The following STXBP5L variants were observed in gnomAD, a reference collection of about 807,000 sequenced individuals.
STXBP5L encodes the protein syntaxin-binding protein 5-like.
A neutral mutation model predicts 144.5 loss-of-function variants in STXBP5L; 65 were observed. The observed-to-expected ratio is 0.45, with a 90% CI of 0.37 to 0.55. The LOEUF (loss-of-function observed/expected upper bound fraction) is 0.55, where lower values mean the gene tolerates loss of function less well. STXBP5L is among the 20% of genes least tolerant of loss of function. The pLI is 0.00. For synonymous variants in STXBP5L, 505 were observed against 469.6 expected, an observed-to-expected ratio of 1.08 and a Z score of -0.97; for missense variants, 1,298 against 1,405.5, an observed-to-expected ratio of 0.92 and a Z score of 1.22.
At chr3:120,939,382 G>A (rs1455900783) in intron 2 of STXBP5L, among the ~76,000 whole-genome samples, 7 of 152,032 alleles carry the variant, frequency 4.6e-5, no homozygotes, top group Non-Finnish European at 8.8e-5. Flanking sequence ...TTTGGTAGGG[G>A]ACAAAAATAC....
intron 3 of STXBP5L, among the ~76,000 whole-genome samples, chr3:120,978,418 G>C (rs143175993): frequency 6.6e-6 from 1 of 152,198 alleles, no homozygotes; most frequent in East Asian, 1.9e-4. Flanking sequence ...GCACTTCTCT[G>C]TATTGGTTAT....
chr3:121,413,468 G>GC lies in STXBP5L; in HGVS notation c.3114+147dup, dbSNP rs2047165870. The stretch of plus-strand genomic sequence containing the variant: ...TTTGAATATATATTCTTCATTTTGA[G>GC]CCTACCAACTTCTAGTATGGTTCTA... On this transcript the variant is annotated intron_variant, in intron 24 of 26. Transcript: ENST00000471454. 5 of 679,200 alleles carry GC rather than the reference G, an allele frequency of 7.4e-6. No individual in the cohort carries two copies. In the South Asian group the frequency reaches 1.9e-4, roughly 26 times the overall value. The allele number at this position is 679,200 out of a possible 1,614,324, so 42.1% of individuals were successfully genotyped here. A position where few individuals can be genotyped will look rare whatever the true frequency, so the allele number is the denominator to read the frequency against.
intron 5 of STXBP5L, 83 bp downstream of exon 5, chr3:121,045,618 T>G: frequency 8.4e-7 from 1 of 1,193,380 alleles, no homozygotes; most frequent in Middle Eastern, 2.0e-4. Flanking sequence ...GACAGGCTTT[T>G]TTCCTCATAA....
chr3:121,191,987 C>T (rs1045442634), intron 9 of STXBP5L, among the ~76,000 whole-genome samples: 5 of 152,054 alleles, frequency 3.3e-5, no homozygotes, highest in Admixed American at 2.6e-4. Flanking sequence ...GGGAGATATA[C>T]CTAATGTAAA....
intron 5 of STXBP5L, among the ~76,000 whole-genome samples, chr3:121,059,269 G>T (rs1006759320): frequency 1.3e-5 from 2 of 152,134 alleles, no homozygotes; most frequent in African/African-American, 4.8e-5. Context: ...GTTTGTCAAA[G>T]ATCAGATGGT....
Position 121,413,238 on chromosome 3 carries a change from C to T in STXBP5L, c.3029C>T (p.Thr1010Ile). 1 of 1,610,426 alleles carries T rather than the reference C, an allele frequency of 6.2e-7. No individual in the cohort carries two copies. Among genetic ancestry groups the T allele is most frequent in the Non-Finnish European group, 8.5e-7 (1 of 1,178,906 alleles). ...AGGATAGCACGAACATTTTGTTTTACCAATGAAGGACAGGCATTATACCTC... is the reference window on the plus strand; with the variant it reads ...AGGATAGCACGAACATTTTGTTTTATCAATGAAGGACAGGCATTATACCTC... ...DMRIARTFCFTNEGQALYLVS... is the reference protein window; with the variant it reads ...DMRIARTFCFINEGQALYLVS... Residue 1010 changes from threonine (T) to isoleucine (I), a missense_variant, in exon 24 of 27, where the codon ACC becomes ATC. Physicochemically the swap from Thr to Ile is moderately conservative, Grantham distance 89 (BLOSUM62 -1). Transcript: ENST00000471454.
At chr3:121,044,272 C>G (rs778566302) in intron 4 of STXBP5L, among the ~76,000 whole-genome samples, 5 of 152,058 alleles carry the variant, frequency 3.3e-5, no homozygotes, top group African/African-American at 4.8e-5. Context: ...CCATTCCTCT[C>G]TGAGACTAAA....
chr3:121,286,204 T>C (rs1390526564), intron 19 of STXBP5L, among the ~76,000 whole-genome samples: 1 of 151,994 alleles, frequency 6.6e-6, no homozygotes, highest in Non-Finnish European at 1.5e-5. Flanking sequence ...AGGGTAGGGG[T>C]ATGATAACAG....
At chr3:120,999,750 T>C (rs540188434) in intron 3 of STXBP5L, among the ~76,000 whole-genome samples, 9 of 152,328 alleles carry the variant, frequency 5.9e-5, no homozygotes, top group Middle Eastern at 6.8e-3. Context: ...CTTAAAGAGC[T>C]CTTGTAAGGC....
intron 9 of STXBP5L, among the ~76,000 whole-genome samples, chr3:121,183,270 A>G (rs1398271322): frequency 2.0e-5 from 3 of 152,216 alleles, no homozygotes; most frequent in East Asian, 1.9e-4. Context: ...TCTAGTCAGC[A>G]TAATACCGGA....
intron 19 of STXBP5L, among the ~76,000 whole-genome samples, chr3:121,316,477 A>G (rs1285320028): frequency 6.6e-6 from 1 of 152,190 alleles, no homozygotes; most frequent in Non-Finnish European, 1.5e-5. Flanking sequence ...TCTTATAGTG[A>G]CCAAATCCCA....
chr3:121,190,440 C>G (rs1214212755), intron 9 of STXBP5L, among the ~76,000 whole-genome samples: 2 of 152,234 alleles, frequency 1.3e-5, no homozygotes, highest in Non-Finnish European at 2.9e-5. Flanking sequence ...AATGGAGTCT[C>G]CTATGTCTAC....
At chr3:120,992,959 A>T (rs549555046) in intron 3 of STXBP5L, among the ~76,000 whole-genome samples, 2 of 152,184 alleles carry the variant, frequency 1.3e-5, no homozygotes, top group East Asian at 3.9e-4. Flanking sequence ...CCTTGCCAGT[A>T]TCTGCTATTT....
intron 20 of STXBP5L, among the ~76,000 whole-genome samples, chr3:121,335,808 T>C (rs1186243430): frequency 6.6e-6 from 1 of 151,994 alleles, no homozygotes; most frequent in Non-Finnish European, 1.5e-5. Context: ...CCCAAAACTA[T>C]AAAAACCCTG....
At chr3:121,072,696 T>C (rs2041856509) in intron 5 of STXBP5L, among the ~76,000 whole-genome samples, 1 of 152,196 alleles carries the variant, frequency 6.6e-6, no homozygotes, top group East Asian at 1.9e-4. Flanking sequence ...TCATTACAGC[T>C]CTTTTGGCTT....
At chr3:121,238,079 C>T (rs985440705) in intron 12 of STXBP5L, among the ~76,000 whole-genome samples, 1 of 152,172 alleles carries the variant, frequency 6.6e-6, no homozygotes, top group African/African-American at 2.4e-5. Context: ...AAAGTGCTTC[C>T]ACAATTTCAG....
intron 20 of STXBP5L, among the ~76,000 whole-genome samples, chr3:121,333,773 G>A (rs1005662119): frequency 6.6e-6 from 1 of 152,156 alleles, no homozygotes; most frequent in Non-Finnish European, 1.5e-5. Flanking sequence ...ACAAAACCTA[G>A]AAGAGATGGA....
intron 5 of STXBP5L, among the ~76,000 whole-genome samples, chr3:121,102,623 T>C (rs2043490024): frequency 6.6e-6 from 1 of 152,112 alleles, no homozygotes; most frequent in Non-Finnish European, 1.5e-5. Context: ...TGAAATATCA[T>C]TCTGGACATT....
chr3:121,145,951 C>G (rs115509628), intron 7 of STXBP5L, among the ~76,000 whole-genome samples: 1 of 151,958 alleles, frequency 6.6e-6, no homozygotes, highest in Non-Finnish European at 1.5e-5. Flanking sequence ...ACAAAAAAGA[C>G]GAAAGGTGAA....
Sources: gnomAD v4.1 joint callset for allele counts (sites outside exome capture counted in the v4.1 genomes callset) on GRCh38, gnomAD v4.1.1 for gene constraint, MANE v1.5 for transcripts, NCBI Gene and HGNC (gene_info 2026-07-23, HGNC 2026-07-21) for gene names.